Variants in SUFU observed in about 807,000 individuals in gnomAD.
SUFU encodes SUFU negative regulator of hedgehog signaling, also known as suppressor of fused homolog.
A neutral mutation model predicts 58.9 loss-of-function variants in SUFU; 7 were observed. The observed-to-expected ratio is 0.12, with a 90% confidence interval of 0.07 to 0.22. The LOEUF (loss-of-function observed/expected upper bound fraction) is 0.22. Among genes scored for constraint, SUFU ranks in the 10% least tolerant of loss-of-function variants. The pLI is 1.00. For synonymous variants in SUFU, 232 were observed against 254.8 expected (o/e 0.91, Z 0.85); for missense variants, 451 against 641.3 (o/e 0.70, Z 3.20).
intron 8 of SUFU, among the ~76,000 whole-genome samples, chr10:102,612,807 A>C (rs2063640459): frequency 6.6e-6 from 1 of 151,960 alleles, no homozygotes; most frequent in Non-Finnish European, 1.5e-5. Flanking sequence ...TCGGCTCGTC[A>C]CCTCACCTCC....
At chr10:102,511,617 A>T (rs2062401901) in intron 2 of SUFU, among the ~76,000 whole-genome samples, 1 of 152,128 alleles carries the variant, frequency 6.6e-6, no homozygotes. Flanking sequence ...AAGAAAAATG[A>T]GTCTCTTGAG....
At chr10:102,580,063 G>GT (rs1412302114) in intron 3 of SUFU, among the ~76,000 whole-genome samples, 2 of 126,632 alleles carry the variant, frequency 1.6e-5, no homozygotes, top group African/African-American at 3.1e-5. Context: ...TTGCTTTGTT[G>GT]TTTTTTCTTT....
chr10:102,506,042 A>AGG (rs1564655541), intron 1 of SUFU, among the ~76,000 whole-genome samples: 11 of 138,958 alleles, frequency 7.9e-5, no homozygotes, highest in Non-Finnish European at 1.2e-4. Flanking sequence ...GTTATTTGAA[A>AGG]AAAAAAAAAA....
At chr10:102,581,471 G>A (rs763630275) in intron 3 of SUFU, among the ~76,000 whole-genome samples, 27 of 152,280 alleles carry the variant, frequency 1.8e-4, no homozygotes, top group East Asian at 7.7e-4. Context: ...TTCTGCCCCC[G>A]TAAATATATT....
intron 3 of SUFU, among the ~76,000 whole-genome samples, chr10:102,578,573 T>C (rs1227234555): frequency 6.6e-6 from 1 of 151,936 alleles, no homozygotes; most frequent in East Asian, 1.9e-4. Context: ...CTGGTCATGG[T>C]GGCGCGTGCC....
At chr10:102,541,587 C>A (rs749486209) in intron 2 of SUFU, among the ~76,000 whole-genome samples, 1 of 150,862 alleles carries the variant, frequency 6.6e-6, no homozygotes, top group Non-Finnish European at 1.5e-5. Flanking sequence ...TTAGTAGAGA[C>A]GAGGTTTCAC....
rs1355770534 is a variant in SUFU at position 102,516,782 on chromosome 10, G to A, written c.317+7479G>A. The stretch of plus-strand genomic sequence containing the variant: ...AGGATGGTCTCGATCTCTTGACCTT[G>A]TGCTGGGATTACAGGTGTAAGCCTC... On this transcript the variant is annotated intron_variant, in intron 2 of 11. Transcript: ENST00000369902. 3.3e-5 allele frequency among the ~76,000 whole-genome samples: 5 copies of A among 151,906 alleles called. No homozygotes were observed. The East Asian group carries it at 9.7e-4, about 30-fold the overall frequency.
intron 8 of SUFU, among the ~76,000 whole-genome samples, chr10:102,604,127 G>A (rs748604573): frequency 2.0e-5 from 3 of 152,286 alleles, no homozygotes; most frequent in Non-Finnish European, 4.4e-5. Flanking sequence ...ACACTCCCAC[G>A]CTGGGGAAGT....
chr10:102,626,949 C>A (rs2063791706), intron 10 of SUFU, among the ~76,000 whole-genome samples: 1 of 152,070 alleles, frequency 6.6e-6, no homozygotes, highest in African/African-American at 2.4e-5. Context: ...CCCCATTGTC[C>A]CCTGACCCCT....
chr10:102,510,730 C>T (rs1201761669), intron 2 of SUFU, among the ~76,000 whole-genome samples: 1 of 151,866 alleles, frequency 6.6e-6, no homozygotes, highest in African/African-American at 2.4e-5. Flanking sequence ...GGCTGAGGCA[C>T]GAGAATCACT....
chr10:102,512,802 T>C (rs1184696518), intron 2 of SUFU, among the ~76,000 whole-genome samples: 2 of 152,196 alleles, frequency 1.3e-5, no homozygotes, highest in African/African-American at 4.8e-5. Context: ...TGGTGCCTCA[T>C]GCCTATAGTC....
At position 102,619,385 on chromosome 10, in the gene SUFU, C is replaced by T. The variant is rs1224410034; in HGVS notation, c.1296+1957C>T. ...TGGTCCCCTCCCATGGGCTGTTGCC[C>T]AGGGAACCGGGGCGCGGTGGGAACG... On this transcript the variant is annotated intron_variant, in intron 10 of 11. Coordinates refer to ENST00000369902, the MANE Select transcript of SUFU (RefSeq NM_016169.4). The surrounding 1 kb of genome is among the most constrained non-coding windows in gnomAD (Gnocchi z 4.2). 4.3e-6 allele frequency: 6 copies of T among 1,394,550 alleles called. No homozygotes were observed. The highest frequency in any genetic ancestry group is 2.9e-5 in the African/African-American group (2 of 69,118). The allele number at this position is 1,394,550 out of a possible 1,614,324, so 86.4% of individuals were successfully genotyped here. A position where few individuals can be genotyped will look rare whatever the true frequency, so the allele number is the denominator to read the frequency against.
At chr10:102,525,311 T>C (rs2062597646) in intron 2 of SUFU, among the ~76,000 whole-genome samples, 1 of 151,934 alleles carries the variant, frequency 6.6e-6, no homozygotes, top group Admixed American at 6.6e-5. Context: ...GGTTTTGCCA[T>C]GTTGGCCAGG....
At position 102,549,593 on chromosome 10, in the gene SUFU, A is replaced by G. The variant is rs568468398; in HGVS notation, c.318-377A>G. Among the ~76,000 whole-genome samples the G allele has an allele frequency of 2.6e-5, 4 of 152,388 alleles. No individual in the cohort carries two copies. The South Asian group carries it at 8.3e-4, about 32-fold the overall frequency. On this transcript the variant is annotated intron_variant, in intron 2 of 11. Transcript: ENST00000369902. ...GACATGTATCCTTAGCAAACAAAGT[A>G]GATGCCTATTAATAGCTTGAAGGAA...
At chr10:102,509,389 C>T (rs892882991) in intron 2 of SUFU, 86 bp downstream of exon 2, 2 of 1,561,724 alleles carry the variant, frequency 1.3e-6, no homozygotes, top group African/African-American at 2.7e-5. Context: ...GTGCTGTGAG[C>T]ATGGTACTTC....
At chr10:102,621,670 T>C (rs1244530783) in intron 10 of SUFU, among the ~76,000 whole-genome samples, 1 of 152,156 alleles carries the variant, frequency 6.6e-6, no homozygotes, top group Admixed American at 6.5e-5. Flanking sequence ...GAGCAGCTCC[T>C]TGGCAGGCTC....
rs886046654 is a variant in SUFU, at chr10:102,630,286, C to G, written c.*131C>G. The stretch of plus-strand genomic sequence containing the variant: ...TGAGGAAGACTGCGCAGTGCCACCC[C>G]GCAGCCCAGTGGGGTGCCATGCACA... On this transcript the variant is annotated 3_prime_UTR_variant, in exon 12 of 12. Transcript: ENST00000369902. The G allele has an allele frequency of 2.5e-5, 21 of 833,328 alleles. No individual in the cohort carries two copies. Among genetic ancestry groups the G allele is most frequent in the Non-Finnish European group, 3.9e-5 (20 of 507,066 alleles). The allele number at this position is 833,328 out of a possible 1,614,324, so 51.6% of individuals were successfully genotyped here.
chr10:102,526,154 T>C (rs536022203), intron 2 of SUFU, among the ~76,000 whole-genome samples: 1 of 152,204 alleles, frequency 6.6e-6, no homozygotes, highest in East Asian at 1.9e-4. Context: ...CCTGGCCCAG[T>C]AGGTCAAAAC....
At chr10:102,555,703 T>C (rs2135757347) in intron 3 of SUFU, among the ~76,000 whole-genome samples, 1 of 152,346 alleles carries the variant, frequency 6.6e-6, no homozygotes, top group African/African-American at 2.4e-5. Flanking sequence ...AATTGCCCCT[T>C]ATTGTAAATA....
Sources: gnomAD v4.1 joint callset for allele counts (sites outside exome capture counted in the v4.1 genomes callset) on GRCh38, gnomAD v4.1.1 for gene constraint, Gnocchi (gnomAD v3.1) non-coding constraint, MANE v1.5 for transcripts, NCBI Gene and HGNC (gene_info 2026-07-23, HGNC 2026-07-21) for gene names.